The following TMEM45B variants were observed in gnomAD, a reference collection of about 807,000 sequenced individuals.
TMEM45B encodes the protein transmembrane protein 45B.
Under a neutral mutation model 27.3 loss-of-function variants are expected in TMEM45B, and 29 were observed. That is an observed-to-expected ratio of 1.06 (90% CI 0.79 to 1.45). The LOEUF (loss-of-function observed/expected upper bound fraction) is 1.45, where lower values mean the gene tolerates loss of function less well. Ranked by LOEUF, TMEM45B falls within the 40% of genes most tolerant of loss-of-function variation. The pLI is 0.00. For missense variants in TMEM45B, 348 were observed against 343.9 expected (o/e 1.01, Z -0.09); for synonymous variants, 143 against 134.7 (o/e 1.06, Z -0.43).
chr11:129,834,540 A>G (rs556932173), intron 1 of TMEM45B, among the ~76,000 whole-genome samples: 1 of 151,348 alleles, frequency 6.6e-6, no homozygotes, highest in South Asian at 2.1e-4. Flanking sequence ...GCTGGGCACC[A>G]TGGCTCACGC....
At chr11:129,837,585 C>CTTGTTTTTTTTTTTT (rs1947636930) in intron 1 of TMEM45B, among the ~76,000 whole-genome samples, 1 of 80,294 alleles carries the variant, frequency 1.2e-5, no homozygotes, top group African/African-American at 4.3e-5. Context: ...CTGCACTGGG[C>CTTGTTTTTTTTTTTT]TTTTTTTTTT....
chr11:129,858,847 A>G lies in TMEM45B; in HGVS notation c.*162A>G, dbSNP rs1335931734. 3.9e-6 allele frequency: 2 copies of G among 516,314 alleles called. No homozygotes were observed. Among genetic ancestry groups the G allele is most frequent in the South Asian group, 2.5e-5 (1 of 40,590 alleles). The allele number at this position is 516,314 out of a possible 1,614,324, so 32.0% of individuals were successfully genotyped here. On this transcript the variant is annotated 3_prime_UTR_variant, in exon 6 of 6. Transcript: ENST00000281441. ...GGTTCTACAACAGGAAATCAGGCCT[A>G]CAGCATCCTGTGTATCTTGCAGTTG...
At chr11:129,826,567 A>AAAAAAAAAAAAGAAAAAT (rs1199881268) in intron 1 of TMEM45B, among the ~76,000 whole-genome samples, 1 of 96,126 alleles carries the variant, frequency 1.0e-5, no homozygotes, top group Non-Finnish European at 2.0e-5. Flanking sequence ...AAAAAAAAAA[A>AAAAAAAAAAAAGAAAAAT]AGGACCCTGA....
intron 1 of TMEM45B, among the ~76,000 whole-genome samples, chr11:129,830,739 A>G (rs1205827431): frequency 6.6e-6 from 1 of 152,258 alleles, no homozygotes; most frequent in Non-Finnish European, 1.5e-5. Context: ...TTACGGAAAC[A>G]AAACAACAAA....
intron 1 of TMEM45B, 30 bp from the exon 2 acceptor site, chr11:129,852,445 C>T (rs1565372783): frequency 3.2e-6 from 5 of 1,555,848 alleles, no homozygotes; most frequent in Middle Eastern, 1.7e-4. Context: ...GCTTCATTAG[C>T]CACCTAACAG....
chr11:129,849,753 G>A (rs1947817698), intron 1 of TMEM45B, among the ~76,000 whole-genome samples: 1 of 152,184 alleles, frequency 6.6e-6, no homozygotes, highest in Non-Finnish European at 1.5e-5. Context: ...GAAATGTGGG[G>A]AGCAGAGACC....
chr11:129,824,724 T>G (rs1947458396), intron 1 of TMEM45B, among the ~76,000 whole-genome samples: 2 of 152,230 alleles, frequency 1.3e-5, no homozygotes, highest in African/African-American at 2.4e-5. Flanking sequence ...TGTAGACTAA[T>G]GGGCAAGACA....
At chr11:129,857,561 T>C in intron 5 of TMEM45B, 103 bp downstream of exon 5, 2 of 1,327,864 alleles carry the variant, frequency 1.5e-6, no homozygotes, top group South Asian at 2.6e-5. Flanking sequence ...CCAAATTCTG[T>C]GCAAGGTACT....
rs561726839 is a variant in TMEM45B at position 129,847,750 on chromosome 11, A to G, written c.-8-4725A>G. 2.2e-3 allele frequency among the ~76,000 whole-genome samples: 329 copies of G among 152,266 alleles called. 2 individuals carry two copies. The highest frequency in any genetic ancestry group is 7.0e-3 in the African/African-American group (292 of 41,522). ...ATCCCAAGGCACAATTTTTCTTAGTACAGAACAAAATGAAAAGTCTCCCAT... is the reference window on the plus strand; with the variant it reads ...ATCCCAAGGCACAATTTTTCTTAGTGCAGAACAAAATGAAAAGTCTCCCAT... On this transcript the variant is annotated intron_variant, in intron 1 of 5. Transcript: ENST00000281441.
chr11:129,847,416 T>TATTTTTTTTA (rs1555072217), intron 1 of TMEM45B, among the ~76,000 whole-genome samples: 7 of 151,512 alleles, frequency 4.6e-5, no homozygotes, highest in Admixed American at 1.3e-4. Flanking sequence ...TATTTTTTTT[T>TATTTTTTTTA]ATTTTTTTTT....
intron 1 of TMEM45B, among the ~76,000 whole-genome samples, chr11:129,834,473 G>C (rs1947593946): frequency 7.5e-6 from 1 of 132,950 alleles, no homozygotes; most frequent in South Asian, 2.9e-4. Context: ...GACATTGAAG[G>C]TGATTCCAGT....
rs1389559062 is a variant in TMEM45B, at chr11:129,855,333, CTGGGG to C, written c.386-373_386-369del. Reference sequence around the variant, plus strand: ...GCGCTGCCAGTATGACTCACACTGACTGGGGTATGAAAATACATTTTGTCATCTAA... The same window carrying C: ...GCGCTGCCAGTATGACTCACACTGACTATGAAAATACATTTTGTCATCTAA... On this transcript the variant is annotated intron_variant, in intron 3 of 5. Transcript: ENST00000281441. 1.7e-3 allele frequency among the ~76,000 whole-genome samples: 253 copies of C among 152,268 alleles called. 1 individual carries two copies. The highest frequency in any genetic ancestry group is 5.7e-3 in the African/African-American group (238 of 41,542).
At chr11:129,835,812 G>T (rs1250264497) in intron 1 of TMEM45B, among the ~76,000 whole-genome samples, 1 of 152,212 alleles carries the variant, frequency 6.6e-6, no homozygotes, top group Non-Finnish European at 1.5e-5. Flanking sequence ...AGCCAAAGAG[G>T]ATTATTCTCA....
In TMEM45B at chr11:129,854,593, T is replaced by A. The variant is rs755040756; in HGVS notation, c.179-17T>A. The stretch of plus-strand genomic sequence containing the variant: ...GCTACTCTTCCCTCTAAAACATCCA[T>A]CCTCATTTCCCTGCAGGGATCCTGG... On this transcript the variant is annotated splice_polypyrimidine_tract_variant and intron_variant, in intron 2 of 5. Transcript: ENST00000281441. 1 of 1,613,398 alleles carries A rather than the reference T, an allele frequency of 6.2e-7. No homozygotes were observed. Among genetic ancestry groups the A allele is most frequent in the Non-Finnish European group, 8.5e-7 (1 of 1,179,492 alleles).
Position 129,858,735 on chromosome 11 carries a change from G to C in TMEM45B, c.*50G>C. 8 of 1,349,820 alleles carry C rather than the reference G, an allele frequency of 5.9e-6. No homozygotes were observed. Among genetic ancestry groups the C allele is most frequent in the Non-Finnish European group, 8.3e-6 (8 of 969,348 alleles). 83.6% of individuals were successfully genotyped at this position (1,349,820 alleles called of 1,614,324 possible). On this transcript the variant is annotated 3_prime_UTR_variant, in exon 6 of 6. Transcript: ENST00000281441. Reference sequence around the variant, plus strand: ...TCCCACTGCACAGCTGGAATGAATGGAGTTCATCCCCTCCACCTGAATGCC... The same window carrying C: ...TCCCACTGCACAGCTGGAATGAATGCAGTTCATCCCCTCCACCTGAATGCC...
intron 1 of TMEM45B, among the ~76,000 whole-genome samples, chr11:129,835,755 GC>G (rs887167232): frequency 3.3e-5 from 5 of 152,146 alleles, no homozygotes; most frequent in African/African-American, 1.2e-4. Flanking sequence ...CAGGGTGATG[GC>G]CCTGGAAGGC....
Position 129,846,627 on chromosome 11 carries a change from C to T in TMEM45B, c.-8-5848C>T, listed in dbSNP as rs73573544. On this transcript the variant is annotated intron_variant, in intron 1 of 5. Coordinates refer to ENST00000281441, the MANE Select transcript of TMEM45B (RefSeq NM_138788.5). ...GCAAATAGATCAAATCTCTGCTTTC[C>T]AGAGGCCCACATTTTAGTGGATGAT... Among the ~76,000 whole-genome samples, 1,129 of 152,218 alleles carry T rather than the reference C, an allele frequency of 7.4e-3. 9 individuals carry two copies. The highest frequency in any genetic ancestry group is 0.025 in the African/African-American group (1,041 of 41,536).
chr11:129,817,435 T>A (rs1172169152), intron 1 of TMEM45B, among the ~76,000 whole-genome samples: 1 of 152,170 alleles, frequency 6.6e-6, no homozygotes, highest in Admixed American at 6.5e-5. Context: ...GGAACTGATA[T>A]GAAGGTTTTA....
At position 129,859,230 on chromosome 11, in the gene TMEM45B, A is replaced by T. The variant is rs1421176167; in HGVS notation, c.*545A>T. ...GTATTTTAAAATTATTGTTAAACAT[A>T]TCATAACTAATCATACCAGGGTACT... is the stretch of plus-strand genomic sequence containing the variant. On this transcript the variant is annotated 3_prime_UTR_variant, in exon 6 of 6. Transcript: ENST00000281441. 6.6e-6 allele frequency: 1 copy of T among 152,268 alleles called. No homozygotes were observed. The highest frequency in any genetic ancestry group is 1.9e-4 in the East Asian group (1 of 5,198). 9.4% of individuals were successfully genotyped at this position (152,268 alleles called of 1,614,324 possible).
Sources: gnomAD v4.1 joint callset for allele counts (sites outside exome capture counted in the v4.1 genomes callset) on GRCh38, gnomAD v4.1.1 for gene constraint, MANE v1.5 for transcripts, NCBI Gene and HGNC (gene_info 2026-07-23, HGNC 2026-07-21) for gene names.